The following NME6 variants were observed in gnomAD, a reference collection of about 807,000 sequenced individuals.
NME6 encodes nucleoside diphosphate kinase 6, mitochondrial.
Under a neutral mutation model 22.2 loss-of-function variants are expected in NME6, and 16 were observed. The observed-to-expected ratio is 0.72, with a 90% CI of 0.49 to 1.09. The LOEUF (loss-of-function observed/expected upper bound fraction) is 1.09, where lower values mean the gene tolerates loss of function less well. Among genes scored for constraint, NME6 ranks in the 50% least tolerant of loss-of-function variants. The pLI, the probability that NME6 is intolerant of heterozygous loss-of-function variation, is 0.00. For synonymous variants in NME6, 58 were observed against 85.2 expected, an observed-to-expected ratio of 0.68 and a Z score of 1.76; for missense variants, 229 against 239.0, an observed-to-expected ratio of 0.96 and a Z score of 0.28.
intron 1 of NME6, chr3:48,300,210 A>T (rs2107022582): frequency 2.2e-6 from 1 of 456,478 alleles, no homozygotes; most frequent in South Asian, 1.5e-5. Context: ...CCCTGTTCTT[A>T]GAATAAAAAC....
chr3:48,301,203 G>A, intron 1 of NME6, 150 bp downstream of exon 1: 2 of 1,450,858 alleles, frequency 1.4e-6, no homozygotes, highest in African/African-American at 1.4e-5. Flanking sequence ...CCAGCCCCCC[G>A]GGCTCACGGC....
At chr3:48,296,285 C>G in intron 3 of NME6, 127 bp from the exon 4 acceptor site, 1 of 1,336,866 alleles carries the variant, frequency 7.5e-7, no homozygotes. Context: ...ACCTTGGAGT[C>G]TGACAAACCT....
downstream of NME6, chr3:48,291,384 C>T (rs2034450793): frequency 7.0e-6 from 3 of 428,558 alleles, no homozygotes; most frequent in Non-Finnish European, 1.4e-5. Flanking sequence ...ATGCTCATGT[C>T]ATACTCTTAT....
At chr3:48,297,484 A>C (rs2035237933) in intron 2 of NME6, 1 of 152,634 alleles carries the variant, frequency 6.6e-6, no homozygotes, top group Non-Finnish European at 1.5e-5. Context: ...TCTGCACCAT[A>C]GTGGGCTTAC....
At chr3:48,296,302 G>T in intron 3 of NME6, 144 bp from the exon 4 acceptor site, 1 of 1,150,938 alleles carries the variant, frequency 8.7e-7, no homozygotes, top group Non-Finnish European at 1.3e-6. Flanking sequence ...ACCTGGGTCT[G>T]AATCCAGGGT....
intron 2 of NME6, among the ~76,000 whole-genome samples, chr3:48,297,118 T>G (rs1335727919): frequency 6.6e-6 from 1 of 152,214 alleles, no homozygotes; most frequent in Non-Finnish European, 1.5e-5. Flanking sequence ...TGGTCCTGCC[T>G]TGGGTTTCTC....
At chr3:48,297,604 A>G (rs960006069) in intron 2 of NME6, 1 of 152,422 alleles carries the variant, frequency 6.6e-6, no homozygotes, top group Non-Finnish European at 1.5e-5. Flanking sequence ...TGTGAATATG[A>G]TGCAATATGA....
downstream of NME6, among the ~76,000 whole-genome samples, chr3:48,289,196 C>G (rs1215236464): frequency 6.6e-6 from 1 of 151,986 alleles, no homozygotes. Flanking sequence ...TCCCGAGTAG[C>G]TGGGATTATA....
chr3:48,300,236 G>A (rs957984013), intron 1 of NME6: 1 of 456,634 alleles, frequency 2.2e-6, no homozygotes, highest in Admixed American at 2.3e-5. Context: ...TCCTTATCAC[G>A]GCCTCCCAGG....
At chr3:48,296,675 T>C (rs536383210) in intron 3 of NME6, 52 bp downstream of exon 3, 1 of 1,278,702 alleles carries the variant, frequency 7.8e-7, no homozygotes, top group Non-Finnish European at 1.1e-6. Context: ...AAATCTCTCT[T>C]ATGGCCTCTT....
chr3:48,295,480 C>G lies in NME6; in HGVS notation c.234-245G>C, dbSNP rs777848714. On this transcript the variant is annotated intron_variant, in intron 4 of 5. Transcript: ENST00000442597. ...CTTCTAACCACCAGAGGACAGGTGC[C>G]TAACAGGTCAGCATCGGCTCAGTGA... 28 of 481,164 alleles carry G rather than the reference C, an allele frequency of 5.8e-5. No homozygotes were observed. In the Admixed American group the frequency reaches 6.7e-4, roughly 12 times the overall value. 29.8% of individuals were successfully genotyped at this position (481,164 alleles called of 1,614,324 possible).
chr3:48,294,117 C>G lies in NME6; in HGVS notation c.*520G>C, dbSNP rs2034792580. ...TTTTTTTTTGAGACAGAATGTCGCC[C>G]AGGCTGGAGTGCAATGGCACGATCT... is the stretch of plus-strand genomic sequence containing the variant. On this transcript the variant is annotated 3_prime_UTR_variant, in exon 6 of 6. Coordinates refer to ENST00000442597, the MANE Select transcript of NME6 (RefSeq NM_001308426.2). The G allele has an allele frequency of 6.6e-6, 1 of 151,832 alleles. No homozygotes were observed. The highest frequency in any genetic ancestry group is 6.6e-5 in the Admixed American group (1 of 15,240). The allele number at this position is 151,832 out of a possible 1,614,324, so 9.4% of individuals were successfully genotyped here.
intron 1 of NME6, chr3:48,300,402 T>A: frequency 2.2e-6 from 1 of 453,174 alleles, no homozygotes; most frequent in Non-Finnish European, 4.4e-6. Context: ...CAGTCCTGAA[T>A]GTGCTTTCTC....
At chr3:48,288,747 AAGAGCATGATACACTGCATGAC>A (rs1281061568), downstream of NME6, 11 of 152,206 alleles carry the variant, frequency 7.2e-5, no homozygotes, top group Admixed American at 2.6e-4. Context: ...ACATGTTATG[AAGAGCATGATACACTGCATGAC>A]AGAGTAAATT....
chr3:48,291,193 C>A, downstream of NME6: 1 of 339,322 alleles, frequency 2.9e-6, no homozygotes, highest in Non-Finnish European at 5.8e-6. Context: ...GTAAGGTGGA[C>A]CCAGCTGTGT....
chr3:48,295,363 A>G (rs2034975864), intron 4 of NME6, 128 bp from the exon 5 acceptor site: 7 of 1,046,440 alleles, frequency 6.7e-6, no homozygotes, highest in South Asian at 5.0e-5. Context: ...CTGAGTACCA[A>G]TGCTGCTTCA....
chr3:48,298,159 A>G (rs1368927662), intron 2 of NME6: 1 of 472,966 alleles, frequency 2.1e-6, no homozygotes, highest in African/African-American at 2.0e-5. Context: ...AGTCTGGAGT[A>G]ATGTGTTATG....
At chr3:48,295,834 G>A (rs1234278623) in intron 4 of NME6, 3 of 468,980 alleles carry the variant, frequency 6.4e-6, no homozygotes, top group Non-Finnish European at 1.2e-5. Context: ...TCCTGCCTCA[G>A]CCTCCCGAGT....
chr3:48,292,584 C>T lies in NME6; in HGVS notation c.*2053G>A, dbSNP rs1398688656. The stretch of plus-strand genomic sequence containing the variant: ...TTTTTTCTTGAGATGGAGTTTCACT[C>T]TTGTTGCCCAGGCTGGAGTGCAACG... On this transcript the variant is annotated 3_prime_UTR_variant, in exon 6 of 6. Transcript: ENST00000442597. The T allele has an allele frequency of 6.6e-6, 1 of 151,978 alleles. No homozygotes were observed. The highest frequency in any genetic ancestry group is 1.9e-4 in the East Asian group (1 of 5,180). 9.4% of individuals were successfully genotyped at this position (151,978 alleles called of 1,614,324 possible).
Sources: allele counts gnomAD v4.1 joint callset (sites outside exome capture counted in the v4.1 genomes callset), GRCh38; gene constraint gnomAD v4.1.1; transcripts MANE v1.5; gene names NCBI Gene and HGNC (gene_info 2026-07-23, HGNC 2026-07-21).